The following MGAT5 variants were observed in gnomAD, a reference collection of about 807,000 sequenced individuals.
MGAT5 encodes alpha-1,6-mannosylglycoprotein 6-beta-N-acetylglucosaminyltransferase A.
In MGAT5, 30 loss-of-function variants were observed where a neutral mutation model predicts 94.3. The observed-to-expected ratio is 0.32, with a 90% CI of 0.24 to 0.43. The LOEUF (loss-of-function observed/expected upper bound fraction) is 0.43. MGAT5 is among the 20% of genes least tolerant of loss of function. MGAT5 has a pLI of 1.00. For missense variants in MGAT5, 691 were observed against 905.5 expected (o/e 0.76, Z 3.04); for synonymous variants, 310 against 322.9 (o/e 0.96, Z 0.43).
At chr2:134,440,629 G>A (rs976480749) in intron 14 of MGAT5, among the ~76,000 whole-genome samples, 1 of 152,154 alleles carries the variant, frequency 6.6e-6, no homozygotes, top group Middle Eastern at 3.2e-3. Context: ...CAAATGAATC[G>A]ATACAAATTA....
chr2:134,258,143 C>A (rs1350622650), intron 1 of MGAT5, among the ~76,000 whole-genome samples: 1 of 131,458 alleles, frequency 7.6e-6, no homozygotes, highest in Non-Finnish European at 1.6e-5. Flanking sequence ...GAACTATGAC[C>A]TATGCGCCAA....
chr2:134,295,839 A>G (rs1685641584), intron 2 of MGAT5, among the ~76,000 whole-genome samples: 1 of 152,156 alleles, frequency 6.6e-6, no homozygotes, highest in Non-Finnish European at 1.5e-5. Context: ...TAATCTAAAC[A>G]GTGCTTAAGG....
In MGAT5 at chr2:134,453,171, T is replaced by C. The variant is rs1265982194; in HGVS notation, c.*4324T>C. 6.6e-6 allele frequency: 1 copy of C among 152,220 alleles called. No individual in the cohort carries two copies. Among genetic ancestry groups the C allele is most frequent in the African/African-American group, 2.4e-5 (1 of 41,450 alleles). The allele number at this position is 152,220 out of a possible 1,614,324, so 9.4% of individuals were successfully genotyped here. A position where few individuals can be genotyped will look rare whatever the true frequency, so the allele number is the denominator to read the frequency against. ...TCCCTTCCTGTTGATTCAAAAATAA[T>C]ACCTACATGAAAACATGATTCCAAG... On this transcript the variant is annotated 3_prime_UTR_variant, in exon 16 of 16. Coordinates refer to ENST00000281923, the MANE Select transcript of MGAT5 (RefSeq NM_002410.5).
chr2:134,352,032 C>G (rs528604858), intron 9 of MGAT5, among the ~76,000 whole-genome samples: 14 of 152,208 alleles, frequency 9.2e-5, no homozygotes, highest in African/African-American at 3.4e-4. Flanking sequence ...GGCAGAAATG[C>G]AAAAGTTAAA....
intron 14 of MGAT5, among the ~76,000 whole-genome samples, chr2:134,440,989 TG>T (rs1174468461): frequency 6.6e-6 from 1 of 152,268 alleles, no homozygotes; most frequent in South Asian, 2.1e-4. Flanking sequence ...AGTTTGGTGA[TG>T]TTTTTTGACA....
intron 1 of MGAT5, among the ~76,000 whole-genome samples, chr2:134,164,246 C>G (rs1237222396): frequency 6.6e-6 from 1 of 152,240 alleles, no homozygotes; most frequent in East Asian, 1.9e-4. Flanking sequence ...AGGCTGTTTT[C>G]TAGCCTGCTG....
intron 2 of MGAT5, among the ~76,000 whole-genome samples, chr2:134,301,781 A>G (rs916568366): frequency 2.0e-5 from 3 of 152,190 alleles, no homozygotes; most frequent in Non-Finnish European, 2.9e-5. Flanking sequence ...GCTGGAACAC[A>G]TGAGTATGAG....
chr2:134,283,269 T>G lies in MGAT5; in HGVS notation c.406+12719T>G, dbSNP rs189740734. 2.0e-5 allele frequency among the ~76,000 whole-genome samples: 3 copies of G among 150,508 alleles called. No homozygotes were observed. The East Asian group carries it at 5.9e-4, about 30-fold the overall frequency. ...GCAGAAACTAGCTCATGGGGCCACA[T>G]GAGAAAGTGTCTGTGGAGGGAGGGC... On this transcript the variant is annotated intron_variant, in intron 2 of 15. Coordinates refer to ENST00000281923, the MANE Select transcript of MGAT5 (RefSeq NM_002410.5).
Position 134,341,758 on chromosome 2 carries a change from G to A in MGAT5, c.976G>A (p.Glu326Lys). 6.3e-7 allele frequency: 1 copy of A among 1,593,426 alleles called. No individual in the cohort carries two copies. The highest frequency in any genetic ancestry group is 2.2e-5 in the East Asian group (1 of 44,494). ...RISASLAELKEIMKKVVGNRS... is the reference protein window; with the variant it reads ...RISASLAELKKIMKKVVGNRS... ...TTCAGCTTCACTGGCTGAGCTCAAG[G>A]AGTAAGGAGATTACTTTTCAATTTT... Residue 326 changes from glutamate (E) to lysine (K), a missense_variant and splice_region_variant, in exon 7 of 16, where the codon GAA (glutamate) becomes AAA (lysine). Glu to Lys is a moderately conservative substitution (Grantham distance 56). This residue lies in a region of MGAT5 where 121 missense variants were observed against 206.1 expected (regional missense o/e 0.59). Transcript: ENST00000281923.
At chr2:134,220,157 T>A (rs1251221216) in intron 1 of MGAT5, among the ~76,000 whole-genome samples, 1 of 152,212 alleles carries the variant, frequency 6.6e-6, no homozygotes, top group Non-Finnish European at 1.5e-5. Flanking sequence ...CTTTATATTC[T>A]GCATGAAATT....
At chr2:134,365,267 A>G (rs1311518257) in intron 10 of MGAT5, among the ~76,000 whole-genome samples, 1 of 152,054 alleles carries the variant, frequency 6.6e-6, no homozygotes, top group Non-Finnish European at 1.5e-5. Context: ...GAATCTCCCT[A>G]CTCACCTCGG....
intron 1 of MGAT5, among the ~76,000 whole-genome samples, chr2:134,137,132 AC>A (rs1686443812): frequency 6.6e-6 from 1 of 152,058 alleles, no homozygotes; most frequent in South Asian, 2.1e-4. Flanking sequence ...ATACACATTA[AC>A]CCCCTGTTTT....
intron 5 of MGAT5, among the ~76,000 whole-genome samples, 162 bp downstream of exon 5, chr2:134,336,450 A>T (rs1452872297): frequency 6.6e-6 from 1 of 152,168 alleles, no homozygotes; most frequent in Non-Finnish European, 1.5e-5. Context: ...TAAATCAGTC[A>T]ACCATTAGCA....
At chr2:134,214,162 G>A (rs62165728) in intron 1 of MGAT5, among the ~76,000 whole-genome samples, 22,812 of 151,546 alleles carry the variant, frequency 0.15, 1,768 homozygotes, top group East Asian at 0.19. Flanking sequence ...TGAGAAGAGT[G>A]TCTTTTGTTA....
intron 2 of MGAT5, among the ~76,000 whole-genome samples, chr2:134,298,881 T>C (rs1432414364): frequency 6.6e-6 from 1 of 152,068 alleles, no homozygotes; most frequent in Non-Finnish European, 1.5e-5. Flanking sequence ...TGAAAGCAAT[T>C]TAAGACTGTA....
In MGAT5 at chr2:134,449,130, C is replaced by T; in HGVS notation, c.*283C>T. 1 of 466,354 alleles carries T rather than the reference C, an allele frequency of 2.1e-6. No individual in the cohort carries two copies. The highest frequency in any genetic ancestry group is 3.9e-6 in the Non-Finnish European group (1 of 256,428). 28.9% of individuals were successfully genotyped at this position (466,354 alleles called of 1,614,324 possible). ...AACTGTGGGAAGACTGTCACTGCAG[C>T]TGCTCCAGGGCAAAAGAAAGTCTCA... On this transcript the variant is annotated 3_prime_UTR_variant, in exon 16 of 16. Coordinates refer to ENST00000281923, the MANE Select transcript of MGAT5 (RefSeq NM_002410.5).
At chr2:134,365,598 A>G (rs922503888) in intron 10 of MGAT5, among the ~76,000 whole-genome samples, 2 of 152,174 alleles carry the variant, frequency 1.3e-5, no homozygotes, top group African/African-American at 4.8e-5. Flanking sequence ...ATTCCTCCAC[A>G]AGGAGAGGCA....
At chr2:134,447,162 C>T (rs1302464864) in intron 15 of MGAT5, among the ~76,000 whole-genome samples, 1 of 152,144 alleles carries the variant, frequency 6.6e-6, no homozygotes, top group Non-Finnish European at 1.5e-5. Context: ...ACATACAAGC[C>T]CATTTGGAAG....
At chr2:134,392,641 C>T (rs912626251) in intron 10 of MGAT5, among the ~76,000 whole-genome samples, 5 of 152,222 alleles carry the variant, frequency 3.3e-5, no homozygotes, top group Admixed American at 1.3e-4. Context: ...AGCATGTTGA[C>T]ACTCGGTATT....
Sources: gnomAD v4.1 joint callset for allele counts (sites outside exome capture counted in the v4.1 genomes callset) on GRCh38, gnomAD v4.1.1 for gene constraint, gnomAD v4.1.1 regional missense constraint, MANE v1.5 for transcripts, NCBI Gene and HGNC (gene_info 2026-07-23, HGNC 2026-07-21) for gene names.